NLGN1: variants seen among roughly 807,000 people sequenced by gnomAD.
The protein encoded by NLGN1 is neuroligin 1.
NLGN1 carries 12 observed loss-of-function variants against 65.5 expected under a neutral mutation model. The ratio of observed to expected loss-of-function variants is 0.18; its 90% CI spans 0.12 to 0.30. The LOEUF (loss-of-function observed/expected upper bound fraction) is 0.30, where lower values mean the gene tolerates loss of function less well. Among genes scored for constraint, NLGN1 ranks in the 10% least tolerant of loss-of-function variants. NLGN1 has a pLI of 1.00. For synonymous variants in NLGN1, 350 were observed against 359.5 expected (o/e 0.97, Z 0.30); for missense variants, 750 against 1,007.1 (o/e 0.74, Z 3.46).
chr3:173,557,508 A>G (rs1741911266), intron 2 of NLGN1, among the ~76,000 whole-genome samples: 1 of 151,860 alleles, frequency 6.6e-6, no homozygotes, highest in African/African-American at 2.4e-5. Context: ...GCCCTATTTA[A>G]CTTTCTTGAT....
At chr3:174,114,707 G>A (rs1006964883) in intron 4 of NLGN1, among the ~76,000 whole-genome samples, 2 of 152,034 alleles carry the variant, frequency 1.3e-5, no homozygotes, top group Non-Finnish European at 2.9e-5. Flanking sequence ...TAGTTTACAT[G>A]CACTTATACA....
At chr3:174,072,045 A>C (rs1740000824) in intron 4 of NLGN1, among the ~76,000 whole-genome samples, 1 of 152,196 alleles carries the variant, frequency 6.6e-6, no homozygotes. Context: ...AAGGTGGAAA[A>C]GATGCATAGT....
chr3:173,773,728 G>A (rs1252033923), intron 3 of NLGN1, among the ~76,000 whole-genome samples: 1 of 152,136 alleles, frequency 6.6e-6, no homozygotes, highest in Non-Finnish European at 1.5e-5. Flanking sequence ...GAGGAGGTGG[G>A]TAGGTTCATA....
intron 4 of NLGN1, among the ~76,000 whole-genome samples, chr3:173,841,746 G>C (rs1724814177): frequency 6.6e-6 from 1 of 152,138 alleles, no homozygotes; most frequent in Non-Finnish European, 1.5e-5. Context: ...AGAAGCACTG[G>C]AGTGATAAGA....
intron 4 of NLGN1, among the ~76,000 whole-genome samples, chr3:174,250,134 A>G (rs929938101): frequency 3.3e-5 from 5 of 152,214 alleles, no homozygotes; most frequent in Non-Finnish European, 7.3e-5. Flanking sequence ...AAAGCCCTTA[A>G]GTATTACTCT....
chr3:174,244,344 T>C (rs1178764071), intron 4 of NLGN1, among the ~76,000 whole-genome samples: 1 of 152,186 alleles, frequency 6.6e-6, no homozygotes, highest in Non-Finnish European at 1.5e-5. Context: ...ATTTTCTGCA[T>C]GATGCTTGTT....
At chr3:174,196,329 C>T (rs1475582768) in intron 4 of NLGN1, among the ~76,000 whole-genome samples, 1 of 151,852 alleles carries the variant, frequency 6.6e-6, no homozygotes, top group African/African-American at 2.4e-5. Context: ...TTTTTCGCTG[C>T]ATTGATAGTC....
At chr3:174,185,542 A>T (rs943995219) in intron 4 of NLGN1, among the ~76,000 whole-genome samples, 12 of 152,182 alleles carry the variant, frequency 7.9e-5, no homozygotes, top group Non-Finnish European at 1.6e-4. Flanking sequence ...GAAGGCAAGA[A>T]TGATGTATTA....
At chr3:173,673,809 A>C (rs1408324079) in intron 3 of NLGN1, among the ~76,000 whole-genome samples, 1 of 152,142 alleles carries the variant, frequency 6.6e-6, no homozygotes, top group Non-Finnish European at 1.5e-5. Flanking sequence ...GACAAAACGC[A>C]CAAACAAAGC....
exon 3 of NLGN1, chr3:173,604,724 T>C (rs1751096061): frequency 6.2e-7 from 1 of 1,613,660 alleles, no homozygotes; most frequent in African/African-American, 1.3e-5. Flanking sequence ...AGGCTGGCCA[T>C]GTGCTATCAC....
chr3:174,214,358 A>G (rs976905868), intron 4 of NLGN1, among the ~76,000 whole-genome samples: 3 of 152,244 alleles, frequency 2.0e-5, no homozygotes, highest in Non-Finnish European at 2.9e-5. Flanking sequence ...TTAGTAAATT[A>G]CAGTGAAACT....
At position 174,206,512 on chromosome 3, in the gene NLGN1, G is replaced by T. The variant is rs187345207; in HGVS notation, c.647-68803G>T. ...CCTCTCATCCCTGCTGTCCACCAAG[G>T]CCCCCAGCCAAGACAAGGAAAGAGG... On this transcript the variant is annotated intron_variant, in intron 4 of 6. Transcript: ENST00000457714. Among the ~76,000 whole-genome samples, 84 of 152,150 alleles carry T rather than the reference G, an allele frequency of 5.5e-4. 1 individual carries two copies. Among genetic ancestry groups the T allele is most frequent in the Admixed American group, 1.8e-3 (27 of 15,294 alleles).
chr3:173,532,554 A>G (rs889666977), intron 2 of NLGN1, among the ~76,000 whole-genome samples: 1 of 152,184 alleles, frequency 6.6e-6, no homozygotes, highest in African/African-American at 2.4e-5. Context: ...TCTTGAAGAA[A>G]TCTTCATGAT....
At chr3:173,679,421 G>A (rs989988492) in intron 3 of NLGN1, among the ~76,000 whole-genome samples, 2 of 151,964 alleles carry the variant, frequency 1.3e-5, no homozygotes, top group Non-Finnish European at 2.9e-5. Context: ...CTACAGATTC[G>A]GGTTATATGA....
chr3:173,623,159 A>G (rs911022600), intron 3 of NLGN1, among the ~76,000 whole-genome samples: 1 of 152,084 alleles, frequency 6.6e-6, no homozygotes, highest in Non-Finnish European at 1.5e-5. Flanking sequence ...TGGCCTCTAC[A>G]TAAACCTCGG....
At chr3:174,033,237 A>G (rs1730418784) in intron 4 of NLGN1, among the ~76,000 whole-genome samples, 1 of 152,158 alleles carries the variant, frequency 6.6e-6, no homozygotes, top group Admixed American at 6.5e-5. Context: ...GAAAGTTAAG[A>G]GTGAAGATAA....
chr3:174,181,080 C>T (rs1370633530), intron 4 of NLGN1, among the ~76,000 whole-genome samples: 2 of 152,152 alleles, frequency 1.3e-5, no homozygotes, highest in Non-Finnish European at 2.9e-5. Context: ...GCAGAAAATA[C>T]TGTGTACCTT....
chr3:174,190,400 A>G (rs1052602799), intron 4 of NLGN1, among the ~76,000 whole-genome samples: 4 of 152,050 alleles, frequency 2.6e-5, no homozygotes, highest in African/African-American at 9.7e-5. Context: ...TGCCTGGAGA[A>G]GTACATTTAT....
chr3:174,207,149 T>C (rs994297487), intron 4 of NLGN1, among the ~76,000 whole-genome samples: 1 of 150,678 alleles, frequency 6.6e-6, no homozygotes, highest in African/African-American at 2.5e-5. Context: ...AACTGAATGG[T>C]GCTCATGTCT....
Sources: allele counts gnomAD v4.1 joint callset (sites outside exome capture counted in the v4.1 genomes callset), GRCh38; gene constraint gnomAD v4.1.1; transcripts MANE v1.5; gene names NCBI Gene and HGNC (gene_info 2026-07-23, HGNC 2026-07-21).